RERG: variants seen among roughly 807,000 people sequenced by gnomAD.
RERG encodes the protein RAS like estrogen regulated growth inhibitor.
RERG carries 25 observed loss-of-function variants against 23.2 expected under a neutral mutation model. The ratio of observed to expected loss-of-function variants is 1.08; its 90% CI spans 0.79 to 1.50. The LOEUF (loss-of-function observed/expected upper bound fraction) is 1.50, where lower values mean the gene tolerates loss of function less well. Among genes scored for constraint, RERG ranks in the 40% most tolerant of loss-of-function variants. The pLI, the probability that RERG is intolerant of heterozygous loss-of-function variation, is 0.00. For synonymous variants in RERG, 81 were observed against 89.1 expected, an observed-to-expected ratio of 0.91 and a Z score of 0.51; for missense variants, 253 against 250.1, an observed-to-expected ratio of 1.01 and a Z score of -0.08.
intron 2 of RERG, among the ~76,000 whole-genome samples, chr12:15,207,682 A>G (rs1401958309): frequency 1.3e-5 from 2 of 152,098 alleles, no homozygotes; most frequent in Non-Finnish European, 2.9e-5. Flanking sequence ...CGAAAGAGAG[A>G]GGATGATGCT....
intron 3 of RERG, among the ~76,000 whole-genome samples, chr12:15,118,039 G>C (rs1167609646): frequency 6.7e-6 from 1 of 148,404 alleles, no homozygotes; most frequent in Non-Finnish European, 1.5e-5. Context: ...TCAATGTAAG[G>C]AACTGATTTT....
At chr12:15,143,919 A>C (rs1864285641) in intron 2 of RERG, among the ~76,000 whole-genome samples, 1 of 152,140 alleles carries the variant, frequency 6.6e-6, no homozygotes, top group Non-Finnish European at 1.5e-5. Context: ...ATCTGGGGAC[A>C]GAATGTTCCA....
intron 3 of RERG, among the ~76,000 whole-genome samples, chr12:15,111,747 A>C (rs1344185948): frequency 6.7e-6 from 1 of 150,152 alleles, no homozygotes; most frequent in Non-Finnish European, 1.5e-5. Context: ...GCAGTGGTGC[A>C]ATATCAGCTC....
At chr12:15,153,035 T>A (rs1351596632) in intron 2 of RERG, among the ~76,000 whole-genome samples, 3 of 152,152 alleles carry the variant, frequency 2.0e-5, no homozygotes, top group African/African-American at 7.2e-5. Flanking sequence ...ATTTATGGTC[T>A]AAGAATGAGG....
At chr12:15,182,608 T>C (rs1052220285) in intron 2 of RERG, among the ~76,000 whole-genome samples, 1 of 152,226 alleles carries the variant, frequency 6.6e-6, no homozygotes, top group Non-Finnish European at 1.5e-5. Flanking sequence ...GAGCCAATTG[T>C]GATGCAATAG....
intron 2 of RERG, among the ~76,000 whole-genome samples, chr12:15,168,972 C>T (rs1864734737): frequency 6.6e-6 from 1 of 152,134 alleles, no homozygotes; most frequent in African/African-American, 2.4e-5. Context: ...TCTGCTGATA[C>T]ACTAAAGGTT....
At chr12:15,213,289 T>C (rs1215382728) in intron 2 of RERG, among the ~76,000 whole-genome samples, 1 of 152,238 alleles carries the variant, frequency 6.6e-6, no homozygotes, top group Non-Finnish European at 1.5e-5. Context: ...AATAAAAATG[T>C]GTGCATTCTA....
intron 2 of RERG, among the ~76,000 whole-genome samples, chr12:15,178,013 T>A (rs1375943763): frequency 6.6e-6 from 1 of 152,102 alleles, no homozygotes; most frequent in Non-Finnish European, 1.5e-5. Context: ...AGATCTCTAC[T>A]TTTTAGCTTC....
intron 2 of RERG, among the ~76,000 whole-genome samples, chr12:15,129,890 G>A (rs1245613021): frequency 2.0e-5 from 3 of 152,066 alleles, no homozygotes; most frequent in African/African-American, 7.2e-5. Flanking sequence ...TGATCATCTT[G>A]GGGACCATTC....
chr12:15,126,296 G>A (rs188734174), intron 2 of RERG, among the ~76,000 whole-genome samples: 48 of 151,778 alleles, frequency 3.2e-4, no homozygotes, highest in African/African-American at 1.1e-3. Context: ...ATTAAAATCT[G>A]ATATTTTAGA....
At chr12:15,159,589 C>T (rs982811242) in intron 2 of RERG, among the ~76,000 whole-genome samples, 136 of 152,158 alleles carry the variant, frequency 8.9e-4, no homozygotes, top group African/African-American at 3.2e-3. Flanking sequence ...TTTGGGAGGC[C>T]GAGGCAGGCA....
chr12:15,169,405 G>A (rs149173279), intron 2 of RERG, among the ~76,000 whole-genome samples: 76 of 152,232 alleles, frequency 5.0e-4, no homozygotes, highest in Non-Finnish European at 9.0e-4. Flanking sequence ...TTTGAGGCCC[G>A]GACCAGAAGC....
intron 2 of RERG, among the ~76,000 whole-genome samples, chr12:15,170,563 T>C (rs983428291): frequency 6.6e-6 from 1 of 152,160 alleles, no homozygotes; most frequent in African/African-American, 2.4e-5. Flanking sequence ...AATCTCTGAG[T>C]ATAATATGTT....
chr12:15,170,838 A>G (rs975154113), intron 2 of RERG, among the ~76,000 whole-genome samples: 5 of 152,200 alleles, frequency 3.3e-5, no homozygotes, highest in African/African-American at 1.2e-4. Context: ...TCACTTTCCT[A>G]AAAACCAGAG....
intron 2 of RERG, among the ~76,000 whole-genome samples, chr12:15,184,528 C>G (rs780675482): frequency 1.3e-5 from 2 of 152,156 alleles, no homozygotes; most frequent in East Asian, 1.9e-4. Context: ...CTTTTCCCCC[C>G]ACTTACACTA....
chr12:15,155,209 T>C (rs1398601269), intron 2 of RERG: 2 of 152,190 alleles, frequency 1.3e-5, no homozygotes, highest in Non-Finnish European at 2.9e-5. Flanking sequence ...CTATGCTGCA[T>C]TGTAACTTTT....
chr12:15,117,912 T>A (rs933854896), intron 3 of RERG, among the ~76,000 whole-genome samples: 1 of 152,114 alleles, frequency 6.6e-6, no homozygotes, highest in Non-Finnish European at 1.5e-5. Flanking sequence ...TCGCACATCT[T>A]ATGAGCTTCA....
At chr12:15,109,574 T>A (rs1863566551) in intron 4 of RERG, 57 bp from the exon 5 acceptor site, 6 of 1,341,730 alleles carry the variant, frequency 4.5e-6, no homozygotes, top group Non-Finnish European at 6.2e-6. Context: ...AATATATGGA[T>A]GCTGGTAATG....
intron 2 of RERG, among the ~76,000 whole-genome samples, chr12:15,152,885 T>C (rs182644949): frequency 6.6e-6 from 1 of 152,268 alleles, no homozygotes; most frequent in African/African-American, 2.4e-5. Flanking sequence ...AACACTGCTT[T>C]TTACTTATAT....
Sources: allele counts gnomAD v4.1 joint callset (sites outside exome capture counted in the v4.1 genomes callset), GRCh38; gene constraint gnomAD v4.1.1; transcripts MANE v1.5; gene names NCBI Gene and HGNC (gene_info 2026-07-23, HGNC 2026-07-21).